The following CHAT variants were observed in gnomAD, a reference collection of about 807,000 sequenced individuals.
The protein encoded by CHAT is acetyl CoA:choline O-acetyltransferase.
A neutral mutation model predicts 76.9 loss-of-function variants in CHAT; 61 were observed. The observed-to-expected ratio is 0.79, with a 90% confidence interval of 0.65 to 0.98. The LOEUF is 0.98. CHAT is among the 50% of genes least tolerant of loss of function. The pLI, the probability that CHAT is intolerant of heterozygous loss-of-function variation, is 0.00. For synonymous variants in CHAT, 407 were observed against 397.4 expected, an observed-to-expected ratio of 1.02 and a Z score of -0.29; for missense variants, 946 against 986.9, an observed-to-expected ratio of 0.96 and a Z score of 0.56.
intron 1 of CHAT, chr10:49,615,834 T>C (rs1838470071): frequency 1.0e-5 from 6 of 596,500 alleles, no homozygotes; most frequent in Admixed American, 8.9e-5. Flanking sequence ...CCCTGGGCAC[T>C]CCTATGGCAT....
At chr10:49,627,336 T>A (rs531861128) in intron 6 of CHAT, among the ~76,000 whole-genome samples, 1 of 152,230 alleles carries the variant, frequency 6.6e-6, no homozygotes, top group African/African-American at 2.4e-5. Flanking sequence ...CAATTTATAT[T>A]CCATTCCCCA....
chr10:49,609,564 C>T (rs1012467189), upstream of CHAT, among the ~76,000 whole-genome samples: 1 of 152,022 alleles, frequency 6.6e-6, no homozygotes, highest in Non-Finnish European at 1.5e-5. Flanking sequence ...TGCGGGAGGG[C>T]GGCAGCGGCC....
chr10:49,624,718 A>AT (rs1838851668), intron 5 of CHAT, among the ~76,000 whole-genome samples: 2 of 148,228 alleles, frequency 1.3e-5, no homozygotes, highest in African/African-American at 2.6e-5. Context: ...GAAGGAAGGA[A>AT]GGATGGATGG....
At position 49,614,517 on chromosome 10, in the gene CHAT, G is replaced by C. The variant is rs534458000; in HGVS notation, c.286+42G>C. Reference sequence around the variant, plus strand: ...GGCTGGGCTGGCGGAGCGCGGTGCCGGGAGCAAGGGCGGCGGTCGGGGGCT... The same window carrying C: ...GGCTGGGCTGGCGGAGCGCGGTGCCCGGAGCAAGGGCGGCGGTCGGGGGCT... On this transcript the variant is annotated intron_variant, in intron 1 of 14. Coordinates refer to ENST00000337653, the MANE Select transcript of CHAT (RefSeq NM_020549.5). 1.6e-4 allele frequency: 236 copies of C among 1,521,062 alleles called. 1 individual carries two copies. In the South Asian group the frequency reaches 2.5e-3, roughly 16 times the overall value. The allele number at this position is 1,521,062 out of a possible 1,614,324, so 94.2% of individuals were successfully genotyped here.
At position 49,655,037 on chromosome 10, in the gene CHAT, A is replaced by C. The variant is rs12264845; in HGVS notation, c.1635-58A>C. 709,381 of 1,598,004 alleles carry C rather than the reference A, an allele frequency of 0.44. 161,473 individuals are homozygous for C. The highest frequency in any genetic ancestry group is 0.66 in the East Asian group (29,606 of 44,746). ...CTTGCTGAGGCAATTTTTCTTTCCG[A>C]GTTTATGATTTCCCAAGAATAAATT... On this transcript the variant is annotated intron_variant, in intron 11 of 14. Transcript: ENST00000337653.
intron 7 of CHAT, among the ~76,000 whole-genome samples, chr10:49,629,844 G>C (rs1279304729): frequency 6.6e-6 from 1 of 152,222 alleles, no homozygotes; most frequent in Admixed American, 6.5e-5. Flanking sequence ...CCTGCCTATG[G>C]AACAGAAACA....
At chr10:49,621,826 C>A (rs970833279) in intron 4 of CHAT, among the ~76,000 whole-genome samples, 2 of 152,026 alleles carry the variant, frequency 1.3e-5, no homozygotes, top group Non-Finnish European at 2.9e-5. Flanking sequence ...GAATCCAAGG[C>A]TTGTGGTGGG....
chr10:49,620,490 G>A lies in CHAT; in HGVS notation c.580-5G>A, dbSNP rs763339825. The A allele has an allele frequency of 1.3e-4, 216 of 1,607,264 alleles. No individual in the cohort carries two copies. The highest frequency in any genetic ancestry group is 1.8e-4 in the Non-Finnish European group (209 of 1,174,518). On this transcript the variant is annotated splice_region_variant and splice_polypyrimidine_tract_variant and intron_variant, in intron 3 of 14. Coordinates refer to ENST00000337653, the MANE Select transcript of CHAT (RefSeq NM_020549.5). ...TGTGACGGCCTTCCCTGCCCTCCCC[G>A]GCAGGTGTCTGAGTACTGGCTGAAT...
At chr10:49,626,015 T>C (rs1838909945) in intron 6 of CHAT, among the ~76,000 whole-genome samples, 1 of 152,210 alleles carries the variant, frequency 6.6e-6, no homozygotes, top group African/African-American at 2.4e-5. Context: ...GACTGACAAA[T>C]AGGACCTTTC....
At chr10:49,609,633 G>A (rs1451116844), upstream of CHAT, among the ~76,000 whole-genome samples, 1 of 152,150 alleles carries the variant, frequency 6.6e-6, no homozygotes, top group Non-Finnish European at 1.5e-5. Flanking sequence ...GTCCCCACAA[G>A]CTCCCGGCCG....
At chr10:49,625,739 C>G in intron 6 of CHAT, 86 bp downstream of exon 6, 2 of 1,378,414 alleles carry the variant, frequency 1.5e-6, no homozygotes, top group Non-Finnish European at 2.0e-6. Flanking sequence ...CGAGGGGGCT[C>G]AGCCTCCTTC....
chr10:49,654,535 G>A (rs775567100), intron 11 of CHAT, among the ~76,000 whole-genome samples: 1 of 152,238 alleles, frequency 6.6e-6, no homozygotes, highest in Non-Finnish European at 1.5e-5. Context: ...TGGGGAAGCA[G>A]CCACTGCTGC....
In CHAT at chr10:49,664,701, CAG is replaced by C; in HGVS notation, c.1978-72_1978-71del. 2.5e-6 allele frequency: 4 copies of C among 1,581,830 alleles called. No individual in the cohort carries two copies. The South Asian group carries it at 3.3e-5, about 13-fold the overall frequency. On this transcript the variant is annotated intron_variant, in intron 14 of 14. Coordinates refer to ENST00000337653, the MANE Select transcript of CHAT (RefSeq NM_020549.5). ...TTCAGTCAAACCCCCAGGTGGAAAACAGAGAAGCCAAGCCCAGTCGAGGCTGG... is the reference window on the plus strand; with the variant it reads ...TTCAGTCAAACCCCCAGGTGGAAAACAGAAGCCAAGCCCAGTCGAGGCTGG...
chr10:49,658,900 G>C (rs1257062678), intron 13 of CHAT, among the ~76,000 whole-genome samples: 1 of 152,078 alleles, frequency 6.6e-6, no homozygotes, highest in Non-Finnish European at 1.5e-5. Flanking sequence ...AAAATTCAGT[G>C]GAAGAATTAG....
intron 7 of CHAT, among the ~76,000 whole-genome samples, chr10:49,642,469 C>A (rs1165120263): frequency 6.6e-6 from 1 of 152,252 alleles, no homozygotes; most frequent in African/African-American, 2.4e-5. Flanking sequence ...AGAGCCTGCA[C>A]ATGATGGCAA....
Position 49,616,489 on chromosome 10 carries a change from T to C in CHAT, c.287-13T>C. ...GGCTGCTGTGTTGATGCTTCCCACT[T>C]CTTGGTCCCCAGGTCCACACCTCTG... On this transcript the variant is annotated splice_polypyrimidine_tract_variant and intron_variant, in intron 1 of 14. Coordinates refer to ENST00000337653, the MANE Select transcript of CHAT (RefSeq NM_020549.5). 1 of 1,602,790 alleles carries C rather than the reference T, an allele frequency of 6.2e-7. No individual in the cohort carries two copies. The highest frequency in any genetic ancestry group is 8.5e-7 in the Non-Finnish European group (1 of 1,172,658).
At chr10:49,611,086 C>T, upstream of CHAT, 1 of 1,614,098 alleles carries the variant, frequency 6.2e-7, no homozygotes, top group Non-Finnish European at 8.5e-7. Flanking sequence ...GCCCCGCTAC[C>T]CTACGGAGAG....
chr10:49,611,655 C>T (rs8187728), upstream of CHAT: 8 of 1,611,840 alleles, frequency 5.0e-6, no homozygotes, highest in African/African-American at 8.0e-5. Flanking sequence ...ACATTCCCCT[C>T]GCCTTCCTCG....
chr10:49,631,251 C>T (rs1172727704), intron 7 of CHAT, among the ~76,000 whole-genome samples: 1 of 152,216 alleles, frequency 6.6e-6, no homozygotes, highest in Non-Finnish European at 1.5e-5. Flanking sequence ...CAACAACAGA[C>T]ACCTGCTATC....
Sources: allele counts gnomAD v4.1 joint callset (sites outside exome capture counted in the v4.1 genomes callset), GRCh38; gene constraint gnomAD v4.1.1; transcripts MANE v1.5; gene names NCBI Gene and HGNC (gene_info 2026-07-23, HGNC 2026-07-21).